The following BARX2 variants were observed in gnomAD, a reference collection of about 807,000 sequenced individuals.
The protein encoded by BARX2 is BARX homeobox 2, also known as homeobox protein BarH-like 2.
A neutral mutation model predicts 25.5 loss-of-function variants in BARX2; 11 were observed. The ratio of observed to expected loss-of-function variants is 0.43; its 90% CI spans 0.27 to 0.71. The LOEUF (loss-of-function observed/expected upper bound fraction) is 0.71, where lower values mean the gene tolerates loss of function less well. Among genes scored for constraint, BARX2 ranks in the 30% least tolerant of loss-of-function variants. BARX2 has a pLI of 0.19. For synonymous variants in BARX2, 137 were observed against 149.5 expected (o/e 0.92, Z 0.61); for missense variants, 360 against 359.9 (o/e 1.00, Z 0.00).
chr11:129,376,080 C>T lies in BARX2; in HGVS notation c.45C>T (p.Leu15=), dbSNP rs142792520. ...AELRLSSPGQ[L]KAARRRYKTF... ...TGAGGCTGAGCTCGCCCGGCCAGCT[C>T]AAAGCAGCCAGGCGGCGCTACAAGA... is the stretch of plus-strand genomic sequence containing the variant. The change falls in exon 1 of 4, where the codon CTC becomes CTT. Residue 15 remains leucine (L), a synonymous_variant. Transcript: ENST00000281437. This position sits in a 1 kb window ranked among gnomAD's most constrained non-coding sequence, Gnocchi z 4.2. 6.2e-7 allele frequency: 1 copy of T among 1,610,482 alleles called. No homozygotes were observed.
intron 1 of BARX2, among the ~76,000 whole-genome samples, chr11:129,426,451 C>T (rs1347499624): frequency 6.6e-6 from 1 of 151,992 alleles, no homozygotes; most frequent in Admixed American, 6.6e-5. Flanking sequence ...CGGCTCACTG[C>T]AACCTCCATC....
chr11:129,419,222 C>G (rs557524311), intron 1 of BARX2, among the ~76,000 whole-genome samples: 2 of 152,330 alleles, frequency 1.3e-5, no homozygotes, highest in East Asian at 3.9e-4. Flanking sequence ...ACTTACCCTA[C>G]TTCATTTTAT....
intron 3 of BARX2, among the ~76,000 whole-genome samples, chr11:129,443,188 ATTATAC>A (rs1417132561): frequency 6.6e-6 from 1 of 152,124 alleles, no homozygotes; most frequent in Non-Finnish European, 1.5e-5. Flanking sequence ...TAGTTTTATT[ATTATAC>A]TTAAGTTCTA....
chr11:129,441,245 G>A (rs2135414231), intron 2 of BARX2, among the ~76,000 whole-genome samples: 1 of 152,230 alleles, frequency 6.6e-6, no homozygotes, highest in Non-Finnish European at 1.5e-5. Flanking sequence ...TTGTGAGTGG[G>A]TGTGAGCCCC....
At chr11:129,398,025 T>C (rs551496604) in intron 1 of BARX2, among the ~76,000 whole-genome samples, 1 of 152,368 alleles carries the variant, frequency 6.6e-6, no homozygotes, top group Non-Finnish European at 1.5e-5. Flanking sequence ...GATGTCACTG[T>C]ATAAGATGTA....
chr11:129,436,710 A>G lies in BARX2; in HGVS notation c.188-41A>G, dbSNP rs781365811. The G allele has an allele frequency of 2.8e-5, 42 of 1,525,468 alleles. No individual in the cohort carries two copies. Among genetic ancestry groups the G allele is most frequent in the Middle Eastern group, 1.8e-4 (1 of 5,468 alleles). The allele number at this position is 1,525,468 out of a possible 1,614,324, so 94.5% of individuals were successfully genotyped here. A position where few individuals can be genotyped will look rare whatever the true frequency, so the allele number is the denominator to read the frequency against. On this transcript the variant is annotated intron_variant, in intron 1 of 3. Transcript: ENST00000281437. This position sits in a 1 kb window ranked among gnomAD's most constrained non-coding sequence, Gnocchi z 4.5. The stretch of plus-strand genomic sequence containing the variant: ...CGCAGGTCCTGGCCTGCTTCCCCAC[A>G]CCGTTCCCTGTGGTGACCTGCCTCC...
chr11:129,450,377 G>A (rs910378109), intron 3 of BARX2, among the ~76,000 whole-genome samples: 4 of 152,226 alleles, frequency 2.6e-5, no homozygotes, highest in African/African-American at 9.6e-5. Flanking sequence ...GATCACTGCA[G>A]ACAAGGTGGT....
At chr11:129,410,155 C>T (rs1253637613) in intron 1 of BARX2, among the ~76,000 whole-genome samples, 1 of 152,146 alleles carries the variant, frequency 6.6e-6, no homozygotes, top group Non-Finnish European at 1.5e-5. Flanking sequence ...ACAGATTTGT[C>T]TTTGCTCTAC....
chr11:129,402,539 A>G lies in BARX2; in HGVS notation c.187+26317A>G, dbSNP rs569992249. Among the ~76,000 whole-genome samples the G allele has an allele frequency of 2.3e-4, 35 of 152,350 alleles. 1 individual carries two copies. In the South Asian group the frequency reaches 7.3e-3, roughly 32 times the overall value. On this transcript the variant is annotated intron_variant, in intron 1 of 3. Transcript: ENST00000281437. ...CACTGTTTCCCCATCTGTAAAAAAA[A>G]GGGCTAATAATGGTGCCCTTTCATT...
At chr11:129,440,610 C>T (rs1862244772) in intron 2 of BARX2, among the ~76,000 whole-genome samples, 1 of 152,242 alleles carries the variant, frequency 6.6e-6, no homozygotes, top group South Asian at 2.1e-4. Context: ...AGCTCTTCTA[C>T]AGGGATGACC....
chr11:129,412,280 A>AAC (rs1555136989), intron 1 of BARX2, among the ~76,000 whole-genome samples: 17 of 152,020 alleles, frequency 1.1e-4, no homozygotes, highest in East Asian at 9.6e-4. Context: ...TCAAAAAAAA[A>AAC]AAACAAACAA....
intron 2 of BARX2, among the ~76,000 whole-genome samples, chr11:129,439,858 C>T (rs866577552): frequency 5.3e-5 from 8 of 152,246 alleles, no homozygotes; most frequent in Non-Finnish European, 7.4e-5. Flanking sequence ...GTATGTCAGA[C>T]GGGCTTCAGC....
chr11:129,442,636 T>C (rs74766631), intron 2 of BARX2, 199 bp from the exon 3 acceptor site: 1 of 591,274 alleles, frequency 1.7e-6, no homozygotes, highest in African/African-American at 1.9e-5. Flanking sequence ...CATGGGCATC[T>C]GTTTCTCAGC....
At chr11:129,403,528 G>T (rs908697809) in intron 1 of BARX2, among the ~76,000 whole-genome samples, 1 of 152,108 alleles carries the variant, frequency 6.6e-6, no homozygotes, top group Non-Finnish European at 1.5e-5. Context: ...AGGTGGTGGT[G>T]CCCCGCTTCC....
rs577603862 is a variant in BARX2 at position 129,376,181 on chromosome 11, C to G, written c.146C>G (p.Pro49Arg). ...AAACTTTCCCTCTACTCCGTGTGCC[C>G]GTCGCTGGTCGTGCGACCCAAGCCC... ...FEKLSLYSVC[P>R]SLVVRPKPLH... Residue 49 changes from proline to arginine, a missense_variant, in exon 1 of 4, where the codon CCG becomes CGG. Physicochemically the swap from Pro to Arg is moderately radical, Grantham distance 103. Transcript: ENST00000281437. This position sits in a 1 kb window ranked among gnomAD's most constrained non-coding sequence, Gnocchi z 4.2. 3.1e-6 allele frequency: 5 copies of G among 1,611,794 alleles called. No individual in the cohort carries two copies. The highest frequency in any genetic ancestry group is 4.2e-6 in the Non-Finnish European group (5 of 1,179,020).
intron 1 of BARX2, among the ~76,000 whole-genome samples, chr11:129,383,159 C>G (rs938048645): frequency 6.6e-6 from 1 of 152,152 alleles, no homozygotes; most frequent in East Asian, 1.9e-4. Flanking sequence ...AAAACCTTTG[C>G]AAACCCTCAG....
At chr11:129,407,729 T>A (rs1177055078) in intron 1 of BARX2, among the ~76,000 whole-genome samples, 1 of 152,088 alleles carries the variant, frequency 6.6e-6, no homozygotes, top group African/African-American at 2.4e-5. Context: ...TCAAGTTCAG[T>A]CCAGTAGGAA....
At chr11:129,429,557 ATAAAT>A (rs1175212335) in intron 1 of BARX2, among the ~76,000 whole-genome samples, 3 of 152,186 alleles carry the variant, frequency 2.0e-5, no homozygotes, top group African/African-American at 4.8e-5. Flanking sequence ...AACTGGAAAA[ATAAAT>A]TAATGTCAAT....
At chr11:129,429,259 T>C (rs542178608) in intron 1 of BARX2, among the ~76,000 whole-genome samples, 1 of 152,216 alleles carries the variant, frequency 6.6e-6, no homozygotes, top group Admixed American at 6.5e-5. Context: ...AGGCCGGGCA[T>C]GGTGGCTCAC....
Sources: gnomAD v4.1 joint callset for allele counts (sites outside exome capture counted in the v4.1 genomes callset) on GRCh38, gnomAD v4.1.1 for gene constraint, Gnocchi (gnomAD v3.1) non-coding constraint, MANE v1.5 for transcripts, NCBI Gene and HGNC (gene_info 2026-07-23, HGNC 2026-07-21) for gene names.